Variants in FUT8 observed in about 807,000 individuals in gnomAD.
FUT8 encodes the protein alpha-(1,6)-fucosyltransferase.
FUT8 carries 29 observed loss-of-function variants against 71.3 expected under a neutral mutation model. The ratio of observed to expected loss-of-function variants is 0.41; its 90% CI spans 0.30 to 0.55. The LOEUF is 0.55. Ranked by LOEUF, FUT8 falls within the 20% of genes least tolerant of loss-of-function variation. The pLI, the probability that FUT8 is intolerant of heterozygous loss-of-function variation, is 0.34. For missense variants in FUT8, 544 were observed against 702.1 expected (o/e 0.77, Z 2.55); for synonymous variants, 254 against 239.3 (o/e 1.06, Z -0.57).
At chr14:65,460,077 AT>A (rs1298736014) in intron 2 of FUT8, among the ~76,000 whole-genome samples, 1 of 152,166 alleles carries the variant, frequency 6.6e-6, no homozygotes, top group Non-Finnish European at 1.5e-5. Context: ...TTTTTGCTCT[AT>A]ATGTTTTCTC....
At chr14:65,389,999 G>C in the FUT8 span, among the ~76,000 whole-genome samples, 4 of 150,688 alleles carry the variant, frequency 2.7e-5, no homozygotes, top group Non-Finnish European at 1.5e-5. Context: ...AAATTAGCTG[G>C]GCCTGTTGGT....
Position 65,604,391 on chromosome 14 carries a change from A to T in FUT8, c.204-11587A>T, listed in dbSNP as rs150178954. 3.3e-3 allele frequency among the ~76,000 whole-genome samples: 498 copies of T among 152,092 alleles called. 5 individuals carry two copies. In the East Asian group the frequency reaches 0.035, roughly 11 times the overall value. ...CAATAAATTTAAGAAAACTGAAATT[A>T]TATCAAGTACTCTCTTAGACCACAG... On this transcript the variant is annotated intron_variant, in intron 3 of 10. Coordinates refer to ENST00000673929, the MANE Select transcript of FUT8 (RefSeq NM_001371533.1).
At chr14:65,442,758 C>T (rs907387539) in intron 1 of FUT8, among the ~76,000 whole-genome samples, 5 of 149,356 alleles carry the variant, frequency 3.3e-5, no homozygotes, top group Admixed American at 6.6e-5. Context: ...ATTGCTTGAG[C>T]CCAGGAGGCA....
At chr14:65,578,806 GGAAATATAA>G in intron 3 of FUT8, among the ~76,000 whole-genome samples, 1 of 152,234 alleles carries the variant, frequency 6.6e-6, no homozygotes, top group Non-Finnish European at 1.5e-5. Context: ...ATGGCTACAA[GGAAATATAA>G]TGTAAAATAG....
intron 2 of FUT8, among the ~76,000 whole-genome samples, chr14:65,513,369 T>C (rs146694934): frequency 1.5e-4 from 23 of 152,110 alleles, no homozygotes; most frequent in African/African-American, 5.6e-4. Context: ...AGGGAGCTAA[T>C]TGTGGGAAAT....
chr14:65,577,853 C>T (rs1049574204), intron 3 of FUT8, among the ~76,000 whole-genome samples: 1 of 152,044 alleles, frequency 6.6e-6, no homozygotes, highest in Non-Finnish European at 1.5e-5. Context: ...GGCTTTATTT[C>T]TCATAATTCT....
the FUT8 span, among the ~76,000 whole-genome samples, chr14:65,370,615 CTATA>C: frequency 1.3e-5 from 2 of 149,746 alleles, no homozygotes; most frequent in Middle Eastern, 3.6e-3. Flanking sequence ...ATAACTATAA[CTATA>C]TATAGTTAGG....
intron 6 of FUT8, among the ~76,000 whole-genome samples, chr14:65,637,792 C>T (rs1195382895): frequency 1.3e-5 from 2 of 151,982 alleles, no homozygotes; most frequent in African/African-American, 4.8e-5. Flanking sequence ...AGCAGGTTGC[C>T]AGAAACGGGA....
Position 65,451,345 on chromosome 14 carries a change from G to A in FUT8, c.-325-4276G>A, listed in dbSNP as rs996664568. Among the ~76,000 whole-genome samples the A allele has an allele frequency of 3.9e-5, 6 of 152,390 alleles. No homozygotes were observed. In the East Asian group the frequency reaches 5.8e-4, roughly 15 times the overall value. ...CATATGAGTGGGTGCCGGAACGGCC[G>A]GATGCTTTAGCCACAGCAGGAGTGA... On this transcript the variant is annotated intron_variant, in intron 1 of 10. Coordinates refer to ENST00000673929, the MANE Select transcript of FUT8 (RefSeq NM_001371533.1).
At chr14:65,416,489 T>C (rs1014115905) in intron 1 of FUT8, among the ~76,000 whole-genome samples, 10 of 152,126 alleles carry the variant, frequency 6.6e-5, no homozygotes, top group African/African-American at 2.4e-4. Context: ...TCAATGCTGC[T>C]TCTGTTGATA....
intron 2 of FUT8, among the ~76,000 whole-genome samples, chr14:65,541,121 G>A (rs979914768): frequency 6.6e-5 from 10 of 151,966 alleles, no homozygotes; most frequent in Admixed American, 5.9e-4. Context: ...TCAAAATGTT[G>A]GATTGGTAAA....
intron 7 of FUT8, among the ~76,000 whole-genome samples, chr14:65,708,181 T>C (rs1211570426): frequency 6.6e-6 from 1 of 152,182 alleles, no homozygotes; most frequent in Non-Finnish European, 1.5e-5. Context: ...CCCCATGCTG[T>C]TCTAATGATA....
In FUT8 at chr14:65,599,336, T is replaced by A. The variant is rs190136369; in HGVS notation, c.204-16642T>A. Reference sequence around the variant, plus strand: ...ATGTTTCCCCCCATCTCCCTATACTTCTAACAGTGGTTCACCTCTTCTTCA... The same window carrying A: ...ATGTTTCCCCCCATCTCCCTATACTACTAACAGTGGTTCACCTCTTCTTCA... On this transcript the variant is annotated intron_variant, in intron 3 of 10. Coordinates refer to ENST00000673929, the MANE Select transcript of FUT8 (RefSeq NM_001371533.1). 2.8e-3 allele frequency among the ~76,000 whole-genome samples: 427 copies of A among 152,318 alleles called. No individual in the cohort carries two copies. The Middle Eastern group carries it at 0.034, about 12-fold the overall frequency.
chr14:65,463,451 A>G (rs1237200094), intron 2 of FUT8, among the ~76,000 whole-genome samples: 1 of 151,978 alleles, frequency 6.6e-6, no homozygotes, highest in East Asian at 1.9e-4. Flanking sequence ...CATTTTTTGT[A>G]GAGATGGAGT....
At position 65,498,580 on chromosome 14, in the gene FUT8, A is replaced by G. The variant is rs572739107; in HGVS notation, c.-228+42862A>G. On this transcript the variant is annotated intron_variant, in intron 2 of 10. Coordinates refer to ENST00000673929, the MANE Select transcript of FUT8 (RefSeq NM_001371533.1). ...ATGCTCTGCTTTAAATACTCATAGAATATAATTTTGCATATTTTAAACTCA... is the reference window on the plus strand; with the variant it reads ...ATGCTCTGCTTTAAATACTCATAGAGTATAATTTTGCATATTTTAAACTCA... 6.6e-5 allele frequency among the ~76,000 whole-genome samples: 10 copies of G among 152,328 alleles called. No homozygotes were observed. The South Asian group carries it at 8.3e-4, about 13-fold the overall frequency.
At chr14:65,644,861 C>T (rs1181828624) in intron 6 of FUT8, among the ~76,000 whole-genome samples, 3 of 152,120 alleles carry the variant, frequency 2.0e-5, no homozygotes, top group Non-Finnish European at 4.4e-5. Context: ...GTGAACAAAG[C>T]TTATCTGACA....
At position 65,467,546 on chromosome 14, in the gene FUT8, G is replaced by T. The variant is rs1231248000; in HGVS notation, c.-228+11828G>T. On this transcript the variant is annotated intron_variant, in intron 2 of 10. Transcript: ENST00000673929. The surrounding 1 kb of genome is among the most constrained non-coding windows in gnomAD (Gnocchi z 4.1). ...GGCTGGAGTGCAGTGGTGTGATCTT[G>T]GCTCACTGCAACCTCCACCTCCTGG... Among the ~76,000 whole-genome samples, 1 of 152,014 alleles carries T rather than the reference G, an allele frequency of 6.6e-6. No individual in the cohort carries two copies. The highest frequency in any genetic ancestry group is 2.4e-5 in the African/African-American group (1 of 41,382).
intron 6 of FUT8, among the ~76,000 whole-genome samples, chr14:65,659,458 G>A (rs989930720): frequency 6.6e-6 from 1 of 152,154 alleles, no homozygotes; most frequent in Admixed American, 6.5e-5. Flanking sequence ...GCAAAACTGT[G>A]TAACTTAAAA....
chr14:65,372,155 G>A, the FUT8 span, among the ~76,000 whole-genome samples: 1 of 151,850 alleles, frequency 6.6e-6, no homozygotes, highest in African/African-American at 2.4e-5. Flanking sequence ...TGTTCCCAAT[G>A]CCACCTCCTC....
Sources: gnomAD v4.1 joint callset for allele counts (sites outside exome capture counted in the v4.1 genomes callset) on GRCh38, gnomAD v4.1.1 for gene constraint, Gnocchi (gnomAD v3.1) non-coding constraint, MANE v1.5 for transcripts, NCBI Gene and HGNC (gene_info 2026-07-23, HGNC 2026-07-21) for gene names.